Variants in RBL2 observed in about 807,000 individuals in gnomAD.
RBL2 encodes the protein retinoblastoma-like protein 2.
RBL2 carries 56 observed loss-of-function variants against 126.0 expected under a neutral mutation model. The ratio of observed to expected loss-of-function variants is 0.44; its 90% CI spans 0.36 to 0.56. The LOEUF is 0.56. Among genes scored for constraint, RBL2 ranks in the 20% least tolerant of loss-of-function variants. The pLI is 0.00. For missense variants in RBL2, 1,229 were observed against 1,398.2 expected (o/e 0.88, Z 1.93); for synonymous variants, 454 against 478.5 (o/e 0.95, Z 0.67).
chr16:53,486,378 A>G (rs2150831910), intron 21 of RBL2, among the ~76,000 whole-genome samples: 1 of 152,320 alleles, frequency 6.6e-6, no homozygotes, highest in Non-Finnish European at 1.5e-5. Flanking sequence ...ATAAAACTCA[A>G]GTAGTAGTCT....
Position 53,435,519 on chromosome 16 carries a change from G to A in RBL2, c.240+723G>A, listed in dbSNP as rs1052625530. On this transcript the variant is annotated intron_variant, in intron 1 of 21. Transcript: ENST00000262133. Reference sequence around the variant, plus strand: ...TGTTAGGTCGCAGCCTTCGGACAGGGCTTGCAGATGAGAAAAATGGCCATT... The same window carrying A: ...TGTTAGGTCGCAGCCTTCGGACAGGACTTGCAGATGAGAAAAATGGCCATT... 19 of 1,155,736 alleles carry A rather than the reference G, an allele frequency of 1.6e-5. No individual in the cohort carries two copies. In the Middle Eastern group the frequency reaches 9.9e-4, roughly 60 times the overall value. The allele number at this position is 1,155,736 out of a possible 1,614,324, so 71.6% of individuals were successfully genotyped here.
chr16:53,441,410 G>T (rs541541236), intron 2 of RBL2, among the ~76,000 whole-genome samples: 2 of 152,126 alleles, frequency 1.3e-5, no homozygotes, highest in Non-Finnish European at 2.9e-5. Flanking sequence ...CTGCACACAT[G>T]TATAAGGATG....
rs778229978 is a variant in RBL2 at position 53,447,118 on chromosome 16, G to A, written c.637+12G>A. ...TATATATGCAAAAGGTAAGAAAATAGTAATATTTATTTAGATTTAATATGT... is the reference window on the plus strand; with the variant it reads ...TATATATGCAAAAGGTAAGAAAATAATAATATTTATTTAGATTTAATATGT... On this transcript the variant is annotated intron_variant, in intron 4 of 21. Transcript: ENST00000262133. The A allele has an allele frequency of 1.6e-5, 22 of 1,364,112 alleles. No individual in the cohort carries two copies. The highest frequency in any genetic ancestry group is 2.2e-5 in the Non-Finnish European group (21 of 973,596). The allele number at this position is 1,364,112 out of a possible 1,614,324, so 84.5% of individuals were successfully genotyped here.
chr16:53,490,368 T>C lies in RBL2; in HGVS notation c.*68T>C. ...AGCAGCCTTTAATGCATCTAGATTA[T>C]GGAGCTTTTTTCCTTAATCCAGCTG... On this transcript the variant is annotated 3_prime_UTR_variant, in exon 22 of 22. Transcript: ENST00000262133. 2 of 1,367,254 alleles carry C rather than the reference T, an allele frequency of 1.5e-6. No individual in the cohort carries two copies. The highest frequency in any genetic ancestry group is 2.0e-6 in the Non-Finnish European group (2 of 1,015,168). 84.7% of individuals were successfully genotyped at this position (1,367,254 alleles called of 1,614,324 possible). A position where few individuals can be genotyped will look rare whatever the true frequency, so the allele number is the denominator to read the frequency against.
intron 8 of RBL2, among the ~76,000 whole-genome samples, chr16:53,456,998 T>C (rs1172648463): frequency 6.6e-6 from 1 of 152,080 alleles, no homozygotes; most frequent in Admixed American, 6.6e-5. Context: ...CTGTGACCAG[T>C]GTTGTATGCA....
chr16:53,448,250 C>T (rs979455415), intron 4 of RBL2, among the ~76,000 whole-genome samples: 3 of 148,632 alleles, frequency 2.0e-5, no homozygotes, highest in South Asian at 2.2e-4. Flanking sequence ...CTCTGCTGCC[C>T]GGGTTCAAGC....
At position 53,434,595 on chromosome 16, in the gene RBL2, T is replaced by G; in HGVS notation, c.39T>G (p.Pro13=). Residue 13 remains proline, a synonymous_variant, in exon 1 of 22, where the codon CCT becomes CCG. Coordinates refer to ENST00000262133, the MANE Select transcript of RBL2 (RefSeq NM_005611.4). ...SGGDQSPPPP[P]PPPAAAASDE... is the part of the protein sequence containing the mutation. ...GTGACCAGTCGCCACCGCCCCCGCC[T>G]CCCCCTCCGGCGGCGGCAGCCTCGG... is the stretch of plus-strand genomic sequence containing the variant. The G allele has an allele frequency of 1.3e-6, 2 of 1,544,990 alleles. No individual in the cohort carries two copies. Among genetic ancestry groups the G allele is most frequent in the Non-Finnish European group, 1.7e-6 (2 of 1,154,614 alleles).
intron 1 of RBL2, among the ~76,000 whole-genome samples, chr16:53,438,137 AGGTTCTGTG>A (rs1295830333): frequency 6.6e-6 from 1 of 152,242 alleles, no homozygotes; most frequent in African/African-American, 2.4e-5. Flanking sequence ...TTTTGGTCAC[AGGTTCTGTG>A]AGTAAGGAAT....
intron 17 of RBL2, among the ~76,000 whole-genome samples, chr16:53,478,545 CTTTTT>C (rs71143989): frequency 7.8e-6 from 1 of 128,788 alleles, no homozygotes; most frequent in Non-Finnish European, 1.6e-5. Flanking sequence ...TTTGCTAATC[CTTTTT>C]TTTTTTTTTT....
At chr16:53,483,170 G>GA (rs1450135531) in intron 21 of RBL2, among the ~76,000 whole-genome samples, 1 of 152,194 alleles carries the variant, frequency 6.6e-6, no homozygotes, top group Non-Finnish European at 1.5e-5. Flanking sequence ...TAGGTAGGGA[G>GA]AGAGTGAAAG....
In RBL2 at chr16:53,464,259, C is replaced by G. The variant is rs1057317621; in HGVS notation, c.1594C>G (p.Leu532Val). Residue 532 changes from leucine (L) to valine (V), a missense_variant, in exon 12 of 22, where the codon CTC becomes GTC. Around this residue, in one of 2 missense-constraint regions of RBL2, gnomAD observed 1,070 missense variants for 1,274.3 expected, o/e 0.84. Transcript: ENST00000262133. ...ILEQDAFHRSLLACCLEVVTF... is the reference protein window; with the variant it reads ...ILEQDAFHRSVLACCLEVVTF... ...GGAACAAGATGCGTTCCACAGATCT[C>G]TCTTGGCCTGCTGCCTTGAGGTCGT... 1.2e-6 allele frequency: 2 copies of G among 1,604,544 alleles called. No homozygotes were observed. Among genetic ancestry groups the G allele is most frequent in the African/African-American group, 1.3e-5 (1 of 74,610 alleles).
chr16:53,480,894 C>A, intron 20 of RBL2, 125 bp downstream of exon 20: 1 of 919,864 alleles, frequency 1.1e-6, no homozygotes, highest in Non-Finnish European at 1.6e-6. Context: ...TGTGGTGGCT[C>A]ACACCTGTAA....
At chr16:53,454,111 C>CTA in intron 7 of RBL2, 1 of 403,948 alleles carries the variant, frequency 2.5e-6, no homozygotes. Flanking sequence ...GAAGTTGCAC[C>CTA]TACCAGCAGC....
chr16:53,484,155 G>A (rs904580425), intron 21 of RBL2, among the ~76,000 whole-genome samples: 7 of 152,092 alleles, frequency 4.6e-5, no homozygotes, highest in Non-Finnish European at 7.4e-5. Context: ...GCCCCAAAAA[G>A]CAAATGGAGT....
intron 17 of RBL2, among the ~76,000 whole-genome samples, chr16:53,477,579 C>CA (rs1376700116): frequency 6.6e-6 from 1 of 152,114 alleles, no homozygotes; most frequent in Admixed American, 6.5e-5. Flanking sequence ...CTCCTGGCCT[C>CA]AAGCAGTTCA....
intron 20 of RBL2, 125 bp downstream of exon 20, chr16:53,480,894 C>G: frequency 1.1e-6 from 1 of 919,864 alleles, no homozygotes; most frequent in Non-Finnish European, 1.6e-6. Flanking sequence ...TGTGGTGGCT[C>G]ACACCTGTAA....
At chr16:53,490,014 T>C in intron 21 of RBL2, 116 bp from the exon 22 acceptor site, 1 of 749,574 alleles carries the variant, frequency 1.3e-6, no homozygotes. Context: ...CTTTTCTCTG[T>C]AGATGTGTTC....
chr16:53,438,415 T>C (rs1369353538), intron 1 of RBL2, among the ~76,000 whole-genome samples: 1 of 152,220 alleles, frequency 6.6e-6, no homozygotes, highest in Non-Finnish European at 1.5e-5. Flanking sequence ...TAGAATTACA[T>C]AGTTTCACTT....
At chr16:53,479,287 A>C in intron 18 of RBL2, 62 bp downstream of exon 18, 2 of 1,467,716 alleles carry the variant, frequency 1.4e-6, no homozygotes, top group Non-Finnish European at 1.9e-6. Context: ...AATACAAAAA[A>C]TTAACCATAG....
Sources: allele counts gnomAD v4.1 joint callset (sites outside exome capture counted in the v4.1 genomes callset), GRCh38; gene constraint gnomAD v4.1.1; regional missense constraint gnomAD v4.1.1; transcripts MANE v1.5; gene names NCBI Gene and HGNC (gene_info 2026-07-23, HGNC 2026-07-21).